TRPC4AP: variants seen among roughly 807,000 people sequenced by gnomAD.
The protein encoded by TRPC4AP is transient receptor potential cation channel subfamily C member 4 associated protein, also known as short transient receptor potential channel 4-associated protein.
In TRPC4AP, 45 loss-of-function variants were observed where a neutral mutation model predicts 99.0. The ratio of observed to expected loss-of-function variants is 0.45; its 90% CI spans 0.36 to 0.58. The LOEUF (loss-of-function observed/expected upper bound fraction) is 0.58. Among genes scored for constraint, TRPC4AP ranks in the 20% least tolerant of loss-of-function variants. TRPC4AP has a pLI of 0.00. For missense variants in TRPC4AP, 879 were observed against 985.3 expected (o/e 0.89, Z 1.44); for synonymous variants, 408 against 385.8 (o/e 1.06, Z -0.67).
intron 3 of TRPC4AP, among the ~76,000 whole-genome samples, chr20:35,064,491 G>T (rs1053643568): frequency 1.3e-5 from 2 of 152,156 alleles, no homozygotes; most frequent in Non-Finnish European, 2.9e-5. Flanking sequence ...TCAACATCCT[G>T]AATTAAGAGA....
chr20:35,083,417 T>C (rs1271037596), intron 1 of TRPC4AP, among the ~76,000 whole-genome samples: 2 of 151,076 alleles, frequency 1.3e-5, no homozygotes, highest in Non-Finnish European at 2.9e-5. Context: ...CTGACCAACA[T>C]GGTGAAACCC....
intron 5 of TRPC4AP, among the ~76,000 whole-genome samples, chr20:35,054,397 T>C (rs1201659464): frequency 3.3e-5 from 5 of 152,222 alleles, no homozygotes; most frequent in Admixed American, 2.0e-4. Flanking sequence ...AAATCTATGA[T>C]GTTAATACAA....
intron 5 of TRPC4AP, among the ~76,000 whole-genome samples, chr20:35,050,961 A>G (rs1337471055): frequency 6.6e-6 from 1 of 151,760 alleles, no homozygotes; most frequent in Non-Finnish European, 1.5e-5. Context: ...CTGTCTCACC[A>G]CTGCATTCCA....
At chr20:35,075,361 T>G (rs1371192622) in intron 2 of TRPC4AP, among the ~76,000 whole-genome samples, 1 of 152,244 alleles carries the variant, frequency 6.6e-6, no homozygotes, top group Non-Finnish European at 1.5e-5. Flanking sequence ...ATCGAAGGTC[T>G]TTACAATTTG....
chr20:35,019,624 G>A (rs2082838846), intron 9 of TRPC4AP, among the ~76,000 whole-genome samples: 1 of 152,138 alleles, frequency 6.6e-6, no homozygotes, highest in Non-Finnish European at 1.5e-5. Context: ...AGCACTCAAT[G>A]CACAGAAGCT....
At chr20:35,004,156 G>A (rs1158388439) in intron 17 of TRPC4AP, among the ~76,000 whole-genome samples, 1 of 152,202 alleles carries the variant, frequency 6.6e-6, no homozygotes, top group Non-Finnish European at 1.5e-5. Flanking sequence ...AGGGAGTTGG[G>A]CAGCCTCAGG....
At chr20:35,048,778 GTC>G (rs915950545) in intron 6 of TRPC4AP, among the ~76,000 whole-genome samples, 2 of 152,194 alleles carry the variant, frequency 1.3e-5, no homozygotes, top group African/African-American at 4.8e-5. Flanking sequence ...CTGCTAAGGA[GTC>G]TGGAGTTTCC....
intron 2 of TRPC4AP, among the ~76,000 whole-genome samples, chr20:35,076,796 G>C (rs1319145165): frequency 6.6e-6 from 1 of 152,212 alleles, no homozygotes; most frequent in Admixed American, 6.5e-5. Context: ...AAAGCTGTCA[G>C]ACAGGGACAT....
chr20:35,054,164 G>A (rs1216140578), intron 5 of TRPC4AP, among the ~76,000 whole-genome samples: 1 of 147,408 alleles, frequency 6.8e-6, no homozygotes, highest in Non-Finnish European at 1.5e-5. Context: ...TTTTGAATGA[G>A]GCAAGAAATG....
chr20:35,044,539 C>A lies in TRPC4AP; in HGVS notation c.831G>T (p.Leu277Phe). The change falls in exon 7 of 19, where the codon TTG (leucine) becomes TTT (phenylalanine). Residue 277 changes from leucine to phenylalanine, a missense_variant. Physicochemically the swap from Leu to Phe is conservative, Grantham distance 22 (BLOSUM62 0). This residue lies in a region of TRPC4AP where 603 missense variants were observed against 631.8 expected (regional missense o/e 0.95). Transcript: ENST00000252015. ...TTTCAGCTGCAGAAGGCCCCAAACTCAAGCTCTTCTTCTGTTGAGCATTTT... is the reference window on the plus strand; with the variant it reads ...TTTCAGCTGCAGAAGGCCCCAAACTAAAGCTCTTCTTCTGTTGAGCATTTT... ...LAKNAQQKKS[L>F]SLGPSAAEIN... The A allele has an allele frequency of 6.2e-7, 1 of 1,614,162 alleles. No individual in the cohort carries two copies. Among genetic ancestry groups the A allele is most frequent in the Non-Finnish European group, 8.5e-7 (1 of 1,180,014 alleles).
intron 3 of TRPC4AP, among the ~76,000 whole-genome samples, chr20:35,064,575 C>T (rs890261618): frequency 6.6e-6 from 1 of 152,210 alleles, no homozygotes; most frequent in African/African-American, 2.4e-5. Context: ...ATTGTCAATT[C>T]TAGAGAAGCA....
intron 7 of TRPC4AP, 84 bp downstream of exon 7, chr20:35,044,411 AAAAAGAAAAG>A (rs1052086269): frequency 1.5e-5 from 19 of 1,303,000 alleles, no homozygotes; most frequent in Non-Finnish European, 1.8e-5. Context: ...AAAAAAAAAA[AAAAAGAAAAG>A]AAAAGAAAAA....
intron 8 of TRPC4AP, 74 bp from the exon 9 acceptor site, chr20:35,021,430 T>C: frequency 6.5e-7 from 1 of 1,527,488 alleles, no homozygotes; most frequent in Non-Finnish European, 8.9e-7. Context: ...GAACCTGCTC[T>C]GAACAGACTT....
rs752495149 is a variant in TRPC4AP, at chr20:35,003,574, G to A, written c.2092C>T (p.Leu698=). ...GGCAGCCGCTCTTTCCGTCGGGCCA[G>A]CATCAGGATCACCAGGCTGGTGTTG... The part of the protein sequence containing the change: ...CLNTSLVILM[L]ARRKERLPLY... The change falls in exon 18 of 19, where the codon CTG becomes TTG. Residue 698 remains leucine (L), a synonymous_variant. Coordinates refer to ENST00000252015, the MANE Select transcript of TRPC4AP (RefSeq NM_015638.3). 1 of 1,614,066 alleles carries A rather than the reference G, an allele frequency of 6.2e-7. No homozygotes were observed. Among genetic ancestry groups the A allele is most frequent in the African/African-American group, 1.3e-5 (1 of 75,068 alleles).
At chr20:35,029,970 G>A (rs999455357) in intron 8 of TRPC4AP, among the ~76,000 whole-genome samples, 10 of 140,098 alleles carry the variant, frequency 7.1e-5, no homozygotes, top group South Asian at 2.5e-4. Context: ...TGGCTGGCGC[G>A]GTGGCTCATA....
At chr20:35,038,233 C>T (rs1460928756) in intron 7 of TRPC4AP, among the ~76,000 whole-genome samples, 1 of 150,736 alleles carries the variant, frequency 6.6e-6, no homozygotes, top group Non-Finnish European at 1.5e-5. Context: ...TGACTTCCAT[C>T]TCCATAAAAT....
intron 4 of TRPC4AP, among the ~76,000 whole-genome samples, chr20:35,056,356 A>T (rs2083825041): frequency 6.6e-6 from 1 of 152,228 alleles, no homozygotes; most frequent in African/African-American, 2.4e-5. Flanking sequence ...CTCAGCCTTC[A>T]TGGAACCTAT....
At chr20:35,052,282 G>T (rs1391129766) in intron 5 of TRPC4AP, among the ~76,000 whole-genome samples, 1 of 151,690 alleles carries the variant, frequency 6.6e-6, no homozygotes, top group African/African-American at 2.4e-5. Context: ...ATTTTTTGTA[G>T]AGACAGGTTC....
At chr20:35,031,308 A>C (rs2180848) in intron 8 of TRPC4AP, among the ~76,000 whole-genome samples, 23 of 150,046 alleles carry the variant, frequency 1.5e-4, no homozygotes, top group Non-Finnish European at 2.9e-5. Context: ...CTACAGCCTC[A>C]TCCTCCTGGG....
Sources: gnomAD v4.1 joint callset for allele counts (sites outside exome capture counted in the v4.1 genomes callset) on GRCh38, gnomAD v4.1.1 for gene constraint, gnomAD v4.1.1 regional missense constraint, MANE v1.5 for transcripts, NCBI Gene and HGNC (gene_info 2026-07-23, HGNC 2026-07-21) for gene names.